The following EXO1 variants were observed in gnomAD, a reference collection of about 807,000 sequenced individuals.
EXO1 encodes the protein exonuclease 1.
Under a neutral mutation model 84.5 loss-of-function variants are expected in EXO1, and 69 were observed. The observed-to-expected ratio is 0.82, with a 90% CI of 0.67 to 1.00. EXO1 has a LOEUF of 1.00. Ranked by LOEUF, EXO1 falls within the 50% of genes least tolerant of loss-of-function variation. The pLI is 0.00. For missense variants in EXO1, 1,045 were observed against 1,000.7 expected (o/e 1.04, Z -0.60); for synonymous variants, 373 against 366.1 (o/e 1.02, Z -0.21).
At chr1:241,876,720 G>C (rs1662424064) in intron 12 of EXO1, among the ~76,000 whole-genome samples, 1 of 152,118 alleles carries the variant, frequency 6.6e-6, no homozygotes, top group African/African-American at 2.4e-5. Flanking sequence ...TTCTCTATTT[G>C]AGGTTAAGAG....
At chr1:241,887,785 C>T (rs1663150031) in intron 15 of EXO1, among the ~76,000 whole-genome samples, 1 of 152,042 alleles carries the variant, frequency 6.6e-6, no homozygotes, top group Admixed American at 6.6e-5. Context: ...ATTACAGGCG[C>T]CTGCCACCAT....
At chr1:241,873,821 T>C (rs1435562013) in intron 12 of EXO1, among the ~76,000 whole-genome samples, 2 of 151,950 alleles carry the variant, frequency 1.3e-5, no homozygotes, top group Admixed American at 6.6e-5. Context: ...AAGGGATGAG[T>C]GTTGGGTGTC....
intron 10 of EXO1, among the ~76,000 whole-genome samples, chr1:241,862,113 T>C (rs750840244): frequency 5.9e-5 from 9 of 152,110 alleles, no homozygotes; most frequent in Non-Finnish European, 1.2e-4. Context: ...TAATTTTGTA[T>C]TTTTAGTAGA....
intron 13 of EXO1, among the ~76,000 whole-genome samples, chr1:241,879,765 G>A (rs1039301298): frequency 5.3e-5 from 8 of 152,160 alleles, no homozygotes; most frequent in Non-Finnish European, 1.0e-4. Flanking sequence ...AGCACTTTGG[G>A]AGGCCGAGGC....
chr1:241,865,943 A>G (rs1195471894), intron 10 of EXO1, among the ~76,000 whole-genome samples: 1 of 152,090 alleles, frequency 6.6e-6, no homozygotes, highest in Non-Finnish European at 1.5e-5. Flanking sequence ...CTTTAAGTGA[A>G]AGGCTTTGAT....
In EXO1 at chr1:241,852,339, G is replaced by A. The variant is rs1222768794; in HGVS notation, c.209G>A (p.Gly70Glu). ...TTTGTAAATATGTTACTATCTCATG[G>A]GATCAAGCCTATTCTCGTATTTGAT... Reference protein sequence around the residue: ...MKFVNMLLSHGIKPILVFDGC... With the variant: ...MKFVNMLLSHEIKPILVFDGC... The change falls in exon 5 of 16, where the codon GGG (glycine) becomes GAG (glutamate). Residue 70 changes from glycine to glutamate, a missense_variant. Transcript: ENST00000366548. 6.3e-7 allele frequency: 1 copy of A among 1,591,944 alleles called. No individual in the cohort carries two copies. The highest frequency in any genetic ancestry group is 2.2e-5 in the East Asian group (1 of 44,736).
chr1:241,849,417 G>C (rs1440187207), intron 3 of EXO1, among the ~76,000 whole-genome samples: 1 of 152,186 alleles, frequency 6.6e-6, no homozygotes, highest in Non-Finnish European at 1.5e-5. Context: ...GGCTTAGGGG[G>C]CTGCAACCGG....
At position 241,868,374 on chromosome 1, in the gene EXO1, CAAAA is replaced by C. The variant is rs10591886; in HGVS notation, c.1267+1340_1267+1343del. Among the ~76,000 whole-genome samples the C allele has an allele frequency of 2.6e-4, 30 of 115,884 alleles. No homozygotes were observed. In the East Asian group the frequency reaches 6.3e-3, roughly 25 times the overall value. The allele number at this position is 115,884 out of a possible 152,430, so 76.0% of individuals were successfully genotyped here. ...TGGGCGCCAGAGAAAGAATCCATCT[CAAAA>C]AAAAAAAAAAAAAAAAAAAATTAAG... On this transcript the variant is annotated intron_variant, in intron 11 of 15. Coordinates refer to ENST00000366548, the MANE Select transcript of EXO1 (RefSeq NM_130398.4).
chr1:241,873,486 C>T (rs1020601173), intron 12 of EXO1, among the ~76,000 whole-genome samples: 5 of 152,070 alleles, frequency 3.3e-5, no homozygotes, highest in Non-Finnish European at 5.9e-5. Flanking sequence ...GGGGAGTTCC[C>T]TTCCCCCTCT....
At chr1:241,857,309 G>C (rs765490234) in intron 6 of EXO1, 36 bp from the exon 7 acceptor site, 1 of 1,610,972 alleles carries the variant, frequency 6.2e-7, no homozygotes. Context: ...CTTTCCAGAT[G>C]CCGTGCTAGA....
At chr1:241,878,327 C>A (rs4149974) in intron 12 of EXO1, among the ~76,000 whole-genome samples, 1 of 152,028 alleles carries the variant, frequency 6.6e-6, no homozygotes, top group East Asian at 1.9e-4. Context: ...GGAGAAACCC[C>A]GTCTCTACTA....
At chr1:241,869,252 A>G (rs560998602) in intron 11 of EXO1, among the ~76,000 whole-genome samples, 2 of 152,366 alleles carry the variant, frequency 1.3e-5, no homozygotes, top group East Asian at 3.9e-4. Flanking sequence ...TCAGAAAAAG[A>G]TCCACATATA....
rs1660483814 is a variant in EXO1, at chr1:241,848,627, C to G, written c.-419-104C>G. The G allele has an allele frequency of 6.6e-6, 1 of 152,224 alleles. No individual in the cohort carries two copies. Among genetic ancestry groups the G allele is most frequent in the African/African-American group, 2.4e-5 (1 of 41,446 alleles). The allele number at this position is 152,224 out of a possible 1,614,324, so 9.4% of individuals were successfully genotyped here. ...CGGGCTGGAGCAGGCGCCAGGGTTG[C>G]CAGACTTACCTCATTTTTCCGCAGA... is the stretch of plus-strand genomic sequence containing the variant. On this transcript the variant is annotated intron_variant, in intron 1 of 15. Coordinates refer to ENST00000366548, the MANE Select transcript of EXO1 (RefSeq NM_130398.4). This position sits in a 1 kb window ranked among gnomAD's most constrained non-coding sequence, Gnocchi z 4.2.
intron 10 of EXO1, among the ~76,000 whole-genome samples, chr1:241,863,834 A>G (rs77432695): frequency 0.026 from 3,953 of 152,346 alleles, 114 homozygotes; most frequent in South Asian, 0.076. Context: ...TATAGTAGCC[A>G]GCTTTCAAGT....
rs2526704 is a variant in EXO1 at position 241,852,518 on chromosome 1, A to C, written c.281+107A>C. On this transcript the variant is annotated intron_variant, in intron 5 of 15. Transcript: ENST00000366548. The stretch of plus-strand genomic sequence containing the variant: ...TTTTAAGCCAGGCTCAGTGGCTTGC[A>C]CCTGTTGTCCTAGGTACTCGGGAGG... 5 of 990,412 alleles carry C rather than the reference A, an allele frequency of 5.0e-6. No homozygotes were observed. In the Admixed American group the frequency reaches 8.6e-5, roughly 17 times the overall value. The allele number at this position is 990,412 out of a possible 1,614,324, so 61.4% of individuals were successfully genotyped here. A position where few individuals can be genotyped will look rare whatever the true frequency, so the allele number is the denominator to read the frequency against.
Position 241,857,328 on chromosome 1 carries a change from G to A in EXO1, c.406-17G>A. On this transcript the variant is annotated splice_polypyrimidine_tract_variant and intron_variant, in intron 6 of 15. Transcript: ENST00000366548. ...CCAGATGCCGTGCTAGAGATTCACT[G>A]TGATTCTCTCTTCTAGGCTGCCCGG... The A allele has an allele frequency of 6.2e-7, 1 of 1,611,840 alleles. No individual in the cohort carries two copies.
intron 6 of EXO1, among the ~76,000 whole-genome samples, chr1:241,855,984 G>A (rs1661006828): frequency 2.0e-5 from 3 of 152,206 alleles, no homozygotes; most frequent in African/African-American, 7.2e-5. Context: ...TGTAAGCTGA[G>A]GGAGTGGGCT....
chr1:241,883,059 C>T (rs1662863587), intron 14 of EXO1, among the ~76,000 whole-genome samples: 2 of 152,044 alleles, frequency 1.3e-5, no homozygotes, highest in South Asian at 4.1e-4. Flanking sequence ...ATTAAATAAT[C>T]ATTGGTTTTA....
chr1:241,885,528 TTC>T, intron 15 of EXO1, 21 bp downstream of exon 15: 1 of 1,542,854 alleles, frequency 6.5e-7, no homozygotes, highest in Non-Finnish European at 9.0e-7. Context: ...TTGTTTCTTA[TTC>T]TGAAACAAGA....
Sources: gnomAD v4.1 joint callset for allele counts (sites outside exome capture counted in the v4.1 genomes callset) on GRCh38, gnomAD v4.1.1 for gene constraint, Gnocchi (gnomAD v3.1) non-coding constraint, MANE v1.5 for transcripts, NCBI Gene and HGNC (gene_info 2026-07-23, HGNC 2026-07-21) for gene names.